The following CPE variants were observed in gnomAD, a reference collection of about 807,000 sequenced individuals.
CPE encodes carbocypeptidase E.
In CPE, 17 loss-of-function variants were observed where a neutral mutation model predicts 53.5. The ratio of observed to expected loss-of-function variants is 0.32; its 90% confidence interval spans 0.22 to 0.48. The LOEUF is 0.48. Among genes scored for constraint, CPE ranks in the 20% least tolerant of loss-of-function variants. The pLI is 0.99. For missense variants in CPE, 524 were observed against 614.7 expected, an observed-to-expected ratio of 0.85 and a Z score of 1.56; for synonymous variants, 226 against 228.8, an observed-to-expected ratio of 0.99 and a Z score of 0.11.
chr4:165,410,358 T>C (rs1731022930), intron 1 of CPE, among the ~76,000 whole-genome samples: 1 of 152,180 alleles, frequency 6.6e-6, no homozygotes, highest in Non-Finnish European at 1.5e-5. Flanking sequence ...AACTGACTCC[T>C]TTTTGATGCA....
intron 3 of CPE, among the ~76,000 whole-genome samples, chr4:165,477,964 C>T (rs1450103767): frequency 1.3e-5 from 2 of 152,150 alleles, no homozygotes; most frequent in Admixed American, 6.5e-5. Context: ...CGTTTGTCAT[C>T]GGCTCTTGAG....
chr4:165,456,142 T>A (rs962715593), intron 1 of CPE, among the ~76,000 whole-genome samples: 1 of 152,230 alleles, frequency 6.6e-6, no homozygotes, highest in African/African-American at 2.4e-5. Context: ...AGGATAGGAC[T>A]ATAGAGAGAG....
intron 1 of CPE, among the ~76,000 whole-genome samples, chr4:165,388,720 A>G (rs1297373170): frequency 6.6e-6 from 1 of 152,102 alleles, no homozygotes; most frequent in Non-Finnish European, 1.5e-5. Flanking sequence ...TGTAGGGGAA[A>G]CTACTGAAAA....
intron 1 of CPE, among the ~76,000 whole-genome samples, chr4:165,413,026 C>T (rs1731065005): frequency 6.6e-6 from 1 of 152,238 alleles, no homozygotes; most frequent in African/African-American, 2.4e-5. Flanking sequence ...TCCCTGCACA[C>T]CTCTGCAGTG....
chr4:165,398,440 G>A (rs752040106), intron 1 of CPE, among the ~76,000 whole-genome samples: 32 of 152,170 alleles, frequency 2.1e-4, no homozygotes, highest in Non-Finnish European at 4.6e-4. Flanking sequence ...ATATACAAAT[G>A]TGCATGTGTA....
At chr4:165,485,911 AGGACAAACCCTGTAG>A (rs1732497834) in intron 5 of CPE, among the ~76,000 whole-genome samples, 1 of 152,168 alleles carries the variant, frequency 6.6e-6, no homozygotes, top group South Asian at 2.1e-4. Context: ...ATTACTTTTT[AGGACAAACCCTGTAG>A]GGAAGTGAGG....
chr4:165,409,326 C>T (rs2126666783), intron 1 of CPE, among the ~76,000 whole-genome samples: 1 of 152,260 alleles, frequency 6.6e-6, no homozygotes, highest in Non-Finnish European at 1.5e-5. Context: ...GTCTCAGCCT[C>T]CCCAATAGCT....
intron 6 of CPE, among the ~76,000 whole-genome samples, chr4:165,490,917 G>T (rs541498955): frequency 6.6e-6 from 1 of 152,274 alleles, no homozygotes; most frequent in South Asian, 2.1e-4. Context: ...TGCAGGCACC[G>T]CAAGTGTAGT....
intron 1 of CPE, among the ~76,000 whole-genome samples, chr4:165,462,362 A>C (rs868837058): frequency 6.6e-6 from 1 of 152,200 alleles, no homozygotes. Context: ...AACACAGAGA[A>C]GTTATAAAAA....
intron 1 of CPE, among the ~76,000 whole-genome samples, chr4:165,417,173 G>C (rs2126671349): frequency 6.6e-6 from 1 of 152,206 alleles, no homozygotes; most frequent in Admixed American, 6.5e-5. Flanking sequence ...TGGAGGAATG[G>C]CAACAGATAA....
At chr4:165,400,835 C>G (rs973507022) in intron 1 of CPE, among the ~76,000 whole-genome samples, 2 of 152,208 alleles carry the variant, frequency 1.3e-5, no homozygotes, top group Admixed American at 1.3e-4. Flanking sequence ...TTACTCTCTT[C>G]ATATGGTTCT....
Position 165,497,592 on chromosome 4 carries a change from A to C in CPE, c.1413A>C (p.Ser471=). 6.4e-7 allele frequency: 1 copy of C among 1,569,146 alleles called. No individual in the cohort carries two copies. The highest frequency in any genetic ancestry group is 8.6e-7 in the Non-Finnish European group (1 of 1,160,806). ...TGATGGAATGGTGGAAAATGATGTC[A>C]GAAACTTTAAATTTTTAAAAAGGCT... ...EELMEWWKMM[S]ETLNF is the part of the protein sequence containing the mutation. Residue 471 remains serine (S), a synonymous_variant, in exon 9 of 9, where the codon TCA becomes TCC. Coordinates refer to ENST00000402744, the MANE Select transcript of CPE (RefSeq NM_001873.4).
rs193213730 is a variant in CPE, at chr4:165,459,629, C to T, written c.308-4761C>T. Among the ~76,000 whole-genome samples, 30 of 116,584 alleles carry T rather than the reference C, an allele frequency of 2.6e-4. No individual in the cohort carries two copies. In the East Asian group the frequency reaches 5.3e-3, roughly 21 times the overall value. 76.5% of individuals were successfully genotyped at this position (116,584 alleles called of 152,430 possible). A position where few individuals can be genotyped will look rare whatever the true frequency, so the allele number is the denominator to read the frequency against. On this transcript the variant is annotated intron_variant, in intron 1 of 8. Coordinates refer to ENST00000402744, the MANE Select transcript of CPE (RefSeq NM_001873.4). ...TGTAAAAAAGAAAATGAAGGCCGGG[C>T]GTGGTGGCTCACGTCTGTAATCCCA...
chr4:165,484,941 C>T (rs1732482338), intron 5 of CPE, among the ~76,000 whole-genome samples: 3 of 152,084 alleles, frequency 2.0e-5, no homozygotes, highest in Admixed American at 6.6e-5. Flanking sequence ...TTAGTTTATG[C>T]CAGTCATGCT....
Position 165,379,144 on chromosome 4 carries a change from C to T in CPE, c.-78C>T. The T allele has an allele frequency of 8.6e-7, 1 of 1,163,944 alleles. No individual in the cohort carries two copies. Among genetic ancestry groups the T allele is most frequent in the Non-Finnish European group, 1.1e-6 (1 of 934,312 alleles). 72.1% of individuals were successfully genotyped at this position (1,163,944 alleles called of 1,614,324 possible). ...AACTTGCCGCCCCCAGCAGCGCCGG[C>T]GGGCTAAGCCCAGGGCCGGGCAGAC... is the stretch of plus-strand genomic sequence containing the variant. On this transcript the variant is annotated 5_prime_UTR_variant, in exon 1 of 9. Coordinates refer to ENST00000402744, the MANE Select transcript of CPE (RefSeq NM_001873.4). The surrounding 1 kb of genome is among the most constrained non-coding windows in gnomAD (Gnocchi z 6.0).
chr4:165,448,913 A>ACTGTGTGAACTCTGTGT (rs1378134065), intron 1 of CPE, among the ~76,000 whole-genome samples: 4 of 152,220 alleles, frequency 2.6e-5, no homozygotes, highest in African/African-American at 9.6e-5. Flanking sequence ...GCTGAGTTCC[A>ACTGTGTGAACTCTGTGT]GTACTGCTGT....
At chr4:165,447,841 A>G (rs1731744266) in intron 1 of CPE, among the ~76,000 whole-genome samples, 1 of 152,104 alleles carries the variant, frequency 6.6e-6, no homozygotes, top group African/African-American at 2.4e-5. Context: ...AAACAAGGAC[A>G]CAAACACACA....
intron 1 of CPE, among the ~76,000 whole-genome samples, chr4:165,419,434 C>T (rs1365302827): frequency 6.6e-6 from 1 of 152,192 alleles, no homozygotes; most frequent in East Asian, 1.9e-4. Flanking sequence ...GAAACAAACT[C>T]ATGTATCGGT....
intron 1 of CPE, among the ~76,000 whole-genome samples, chr4:165,425,872 A>G (rs1452186322): frequency 6.6e-6 from 1 of 152,152 alleles, no homozygotes; most frequent in Non-Finnish European, 1.5e-5. Flanking sequence ...TAAATATCCT[A>G]CAGTGCACCA....
Sources: gnomAD v4.1 joint callset for allele counts (sites outside exome capture counted in the v4.1 genomes callset) on GRCh38, gnomAD v4.1.1 for gene constraint, Gnocchi (gnomAD v3.1) non-coding constraint, MANE v1.5 for transcripts, NCBI Gene and HGNC (gene_info 2026-07-23, HGNC 2026-07-21) for gene names.